UPRT: variants seen among roughly 807,000 people sequenced by gnomAD.
UPRT encodes the protein uracil phosphoribosyltransferase homolog.
Under a neutral mutation model 22.6 loss-of-function variants are expected in UPRT, and 5 were observed. That is an observed-to-expected ratio of 0.22 (90% confidence interval 0.12 to 0.47). UPRT has a LOEUF of 0.47. Ranked by LOEUF, UPRT falls within the 20% of genes least tolerant of loss-of-function variation. UPRT has a pLI of 0.99. For missense variants in UPRT, 181 were observed against 239.9 expected, an observed-to-expected ratio of 0.75 and a Z score of 1.62; for synonymous variants, 77 against 87.7, an observed-to-expected ratio of 0.88 and a Z score of 0.68.
chrX:75,237,999 C>T (rs1296779990), intron 4 of UPRT, among the ~76,000 whole-genome samples: 1 of 110,842 alleles, frequency 9.0e-6, no homozygotes, highest in African/African-American at 3.3e-5. Context: ...GAAACGAAAC[C>T]TTGAAATACA....
chrX:75,194,381 GTGA>G (rs1212863978), intron 4 of UPRT, among the ~76,000 whole-genome samples: 1 of 111,316 alleles, frequency 9.0e-6, no homozygotes. Context: ...ACTCTGATGG[GTGA>G]TGTCAGCCAG....
intron 4 of UPRT, among the ~76,000 whole-genome samples, chrX:75,245,554 A>G (rs1265186478): frequency 8.9e-6 from 1 of 112,469 alleles, no homozygotes; most frequent in Non-Finnish European, 1.9e-5. Flanking sequence ...ATGTCCATCA[A>G]CAGTAGACTG....
At chrX:75,205,187 G>A (rs2082360779) in intron 4 of UPRT, among the ~76,000 whole-genome samples, 1 of 107,902 alleles carries the variant, frequency 9.3e-6, no homozygotes, top group African/African-American at 3.4e-5. Context: ...TGGCTAACAA[G>A]GTGAAACCCC....
chrX:75,287,204 G>T (rs970850673), intron 1 of UPRT, among the ~76,000 whole-genome samples: 4 of 111,405 alleles, frequency 3.6e-5, no homozygotes, highest in African/African-American at 1.3e-4. Context: ...ATAGAGAGAA[G>T]AAACAGAATG....
chrX:75,225,859 A>G (rs1264093310), intron 4 of UPRT, among the ~76,000 whole-genome samples: 2 of 110,983 alleles, frequency 1.8e-5, no homozygotes, highest in African/African-American at 6.6e-5. Context: ...TTTCTCTCAA[A>G]TGTACATCTC....
chrX:75,298,970 A>G (rs1348631074), intron 4 of UPRT, among the ~76,000 whole-genome samples: 3 of 112,867 alleles, frequency 2.7e-5, no homozygotes, highest in African/African-American at 9.6e-5. Context: ...CACTAGTGAT[A>G]TAGTTTCCTC....
chrX:75,175,557 G>C (rs907685977), intron 4 of UPRT, among the ~76,000 whole-genome samples: 1 of 111,726 alleles, frequency 9.0e-6, no homozygotes, highest in African/African-American at 3.3e-5. Flanking sequence ...CTCAGTGAGG[G>C]TGATGACATG....
chrX:75,299,974 T>C (rs2082738659), intron 5 of UPRT, 78 bp downstream of exon 5: 1 of 1,080,924 alleles, frequency 9.3e-7, no homozygotes. Context: ...GGTACCCTTA[T>C]ATAAAAGGCA....
chrX:75,238,033 A>G (rs1298228409), intron 4 of UPRT, among the ~76,000 whole-genome samples: 1 of 111,799 alleles, frequency 8.9e-6, no homozygotes, highest in African/African-American at 3.2e-5. Context: ...TCCTTAAAGA[A>G]TAAATCTCAC....
At chrX:75,201,285 C>A (rs189543394) in intron 4 of UPRT, among the ~76,000 whole-genome samples, 18 of 112,874 alleles carry the variant, frequency 1.6e-4, no homozygotes, top group African/African-American at 5.8e-4. Flanking sequence ...TCTCTTTCTG[C>A]TCCCCTAGCA....
At chrX:75,239,429 A>G (rs1013777896) in intron 4 of UPRT, among the ~76,000 whole-genome samples, 1 of 111,318 alleles carries the variant, frequency 9.0e-6, no homozygotes, top group African/African-American at 3.3e-5. Context: ...TATACCAATA[A>G]TAAGTAGCAA....
intron 4 of UPRT, among the ~76,000 whole-genome samples, chrX:75,267,680 A>T (rs1356855646): frequency 8.9e-6 from 1 of 112,221 alleles, no homozygotes; most frequent in Non-Finnish European, 1.9e-5. Flanking sequence ...TAACGAAATT[A>T]AGGTAGGAAT....
At chrX:75,164,512 T>C (rs763518078) in intron 3 of UPRT, among the ~76,000 whole-genome samples, 1 of 111,916 alleles carries the variant, frequency 8.9e-6, no homozygotes, top group African/African-American at 3.2e-5. Context: ...TTATGCTAAG[T>C]GAAAAAAACA....
intron 4 of UPRT, among the ~76,000 whole-genome samples, chrX:75,245,480 A>T (rs2082502033): frequency 1.9e-5 from 2 of 106,447 alleles, no homozygotes; most frequent in Non-Finnish European, 4.1e-5. Context: ...TACCATAAAG[A>T]AACATGCAAA....
chrX:75,301,046 G>A, intron 6 of UPRT, 81 bp downstream of exon 6: 1 of 670,457 alleles, frequency 1.5e-6, no homozygotes. Context: ...TTCTAATCCT[G>A]AGGAAAAGTT....
chrX:75,233,405 G>T (rs995772190), intron 4 of UPRT, among the ~76,000 whole-genome samples: 21 of 110,937 alleles, frequency 1.9e-4, no homozygotes, highest in African/African-American at 6.9e-4. Context: ...CGCAAGGCAG[G>T]CCAACATTCA....
chrX:75,218,148 G>C (rs1167025451), intron 4 of UPRT, among the ~76,000 whole-genome samples: 1 of 111,557 alleles, frequency 9.0e-6, no homozygotes, highest in African/African-American at 3.3e-5. Context: ...TCTGACAAAG[G>C]ACTAATATCC....
intron 4 of UPRT, among the ~76,000 whole-genome samples, chrX:75,234,872 A>G (rs1041858325): frequency 9.0e-5 from 10 of 111,701 alleles, no homozygotes; most frequent in African/African-American, 2.9e-4. Context: ...TCACAATTAA[A>G]AGAACTAGGA....
intron 4 of UPRT, among the ~76,000 whole-genome samples, chrX:75,250,244 A>C (rs1206295803): frequency 9.0e-6 from 1 of 110,540 alleles, no homozygotes; most frequent in Non-Finnish European, 1.9e-5. Flanking sequence ...GACAAAAAAA[A>C]CCCTTCAAAA....
Sources: gnomAD v4.1 joint callset for allele counts (sites outside exome capture counted in the v4.1 genomes callset) on GRCh38, gnomAD v4.1.1 for gene constraint, MANE v1.5 for transcripts, NCBI Gene and HGNC (gene_info 2026-07-23, HGNC 2026-07-21) for gene names.